Variants in MSRA observed in about 807,000 individuals in gnomAD.
MSRA encodes mitochondrial peptide methionine sulfoxide reductase.
In MSRA, 54 loss-of-function variants were observed where a neutral mutation model predicts 31.3. The ratio of observed to expected loss-of-function variants is 1.73; its 90% confidence interval spans 1.39 to 2.17. The LOEUF is 2.17. Among genes scored for constraint, MSRA ranks in the 30% most tolerant of loss-of-function variants. The pLI is 0.00. For synonymous variants in MSRA, 169 were observed against 116.5 expected, an observed-to-expected ratio of 1.45 and a Z score of -2.90; for missense variants, 507 against 300.9, an observed-to-expected ratio of 1.69 and a Z score of -5.07.
At position 10,337,513 on chromosome 8, in the gene MSRA, A is replaced by G. The variant is rs560663780; in HGVS notation, c.543+17524A>G. 61 of 572,300 alleles carry G rather than the reference A, an allele frequency of 1.1e-4. No individual in the cohort carries two copies. The South Asian group carries it at 1.3e-3, about 12-fold the overall frequency. 35.5% of individuals were successfully genotyped at this position (572,300 alleles called of 1,614,324 possible). On this transcript the variant is annotated intron_variant, in intron 5 of 5. Coordinates refer to ENST00000317173, the MANE Select transcript of MSRA (RefSeq NM_012331.5). ...TCGCTTTTAAGATGAATCCAAAAAG[A>G]CTGTGTGCTACTAGGCTACAGAAAG...
At chr8:10,078,294 T>C (rs1282416497) in intron 1 of MSRA, among the ~76,000 whole-genome samples, 3 of 152,234 alleles carry the variant, frequency 2.0e-5, no homozygotes, top group Non-Finnish European at 2.9e-5. Flanking sequence ...GTAATACCCA[T>C]GGTAGAGACC....
intron 1 of MSRA, among the ~76,000 whole-genome samples, chr8:10,093,951 A>C (rs1322150739): frequency 1.3e-5 from 2 of 152,184 alleles, no homozygotes; most frequent in Non-Finnish European, 2.9e-5. Context: ...TCTGGTCTCC[A>C]TGGTTTTCAA....
intron 3 of MSRA, among the ~76,000 whole-genome samples, chr8:10,275,048 C>T (rs542016077): frequency 8.5e-4 from 130 of 152,242 alleles, no homozygotes; most frequent in African/African-American, 2.7e-3. Flanking sequence ...AAGGACATGA[C>T]GTGCAAATGC....
At chr8:10,128,720 T>C (rs1171453351) in intron 1 of MSRA, among the ~76,000 whole-genome samples, 4 of 152,362 alleles carry the variant, frequency 2.6e-5, no homozygotes, top group South Asian at 4.1e-4. Context: ...GTGTATCTTT[T>C]AGAGAGCACG....
intron 1 of MSRA, among the ~76,000 whole-genome samples, chr8:10,117,270 G>A (rs1387568259): frequency 6.6e-6 from 1 of 152,158 alleles, no homozygotes; most frequent in Non-Finnish European, 1.5e-5. Flanking sequence ...GATGGGGGAG[G>A]AGAGAGGTTG....
intron 5 of MSRA, among the ~76,000 whole-genome samples, chr8:10,426,107 G>C (rs1563468730): frequency 6.6e-6 from 1 of 152,162 alleles, no homozygotes. Flanking sequence ...GATGGTTCAA[G>C]TCACACGGCC....
chr8:10,259,169 T>G (rs1798337941), intron 3 of MSRA, among the ~76,000 whole-genome samples: 1 of 152,054 alleles, frequency 6.6e-6, no homozygotes, highest in African/African-American at 2.4e-5. Flanking sequence ...TCAAATCTAT[T>G]GAAGTTCTCA....
intron 1 of MSRA, among the ~76,000 whole-genome samples, chr8:10,096,486 G>A (rs1433314115): frequency 6.6e-6 from 1 of 152,214 alleles, no homozygotes; most frequent in Non-Finnish European, 1.5e-5. Flanking sequence ...GCTGGGAATG[G>A]TAGAGAATAG....
At chr8:10,336,132 T>C (rs986920549) in intron 5 of MSRA, among the ~76,000 whole-genome samples, 2 of 152,198 alleles carry the variant, frequency 1.3e-5, no homozygotes, top group Non-Finnish European at 2.9e-5. Context: ...AATATGTCAC[T>C]AGTGTTTAAT....
At position 10,140,893 on chromosome 8, in the gene MSRA, C is replaced by T. The variant is rs1802647782; in HGVS notation, c.143-66940C>T. 3.9e-5 allele frequency among the ~76,000 whole-genome samples: 6 copies of T among 151,998 alleles called. No homozygotes were observed. In the South Asian group the frequency reaches 1.2e-3, roughly 32 times the overall value. On this transcript the variant is annotated intron_variant, in intron 1 of 5. Transcript: ENST00000317173. ...TCACAGACACAGACACACTCGGAGACTTCACAGTAATAAAGAAAAAAAATC... is the reference window on the plus strand; with the variant it reads ...TCACAGACACAGACACACTCGGAGATTTCACAGTAATAAAGAAAAAAAATC...
chr8:10,254,088 C>T (rs1372770228), intron 3 of MSRA, among the ~76,000 whole-genome samples: 3 of 152,074 alleles, frequency 2.0e-5, no homozygotes, highest in Admixed American at 2.0e-4. Flanking sequence ...GGCCCCTCAG[C>T]TGCGGGAGAA....
intron 3 of MSRA, among the ~76,000 whole-genome samples, chr8:10,248,737 G>C (rs1433959358): frequency 6.6e-6 from 1 of 152,238 alleles, no homozygotes; most frequent in Admixed American, 6.5e-5. Flanking sequence ...TAGTAGCTGA[G>C]AGAGGAGGTG....
At chr8:10,346,751 T>G (rs1044207452) in intron 5 of MSRA, among the ~76,000 whole-genome samples, 4 of 152,190 alleles carry the variant, frequency 2.6e-5, no homozygotes, top group African/African-American at 9.7e-5. Context: ...TCCTAGAATT[T>G]CAAGCCAGGA....
Position 10,384,734 on chromosome 8 carries a change from A to T in MSRA, c.544-43414A>T, listed in dbSNP as rs576234301. 4.6e-5 allele frequency among the ~76,000 whole-genome samples: 7 copies of T among 152,302 alleles called. No homozygotes were observed. The South Asian group carries it at 1.2e-3, about 27-fold the overall frequency. ...TAAAGAAAAAATAAAATGGCCAGGC[A>T]TGGTGGTTCATGCCTGAAATCCTAG... On this transcript the variant is annotated intron_variant, in intron 5 of 5. Coordinates refer to ENST00000317173, the MANE Select transcript of MSRA (RefSeq NM_012331.5).
chr8:10,197,578 C>T (rs1808103709), intron 1 of MSRA, among the ~76,000 whole-genome samples: 1 of 152,144 alleles, frequency 6.6e-6, no homozygotes. Context: ...GTGCAAATAC[C>T]AGTGTTCAGG....
At chr8:10,368,055 G>A (rs1355409349) in intron 5 of MSRA, among the ~76,000 whole-genome samples, 6 of 152,118 alleles carry the variant, frequency 3.9e-5, no homozygotes, top group East Asian at 1.9e-4. Context: ...CCTGCCCCGC[G>A]AAGGAATGAG....
chr8:10,303,869 A>G (rs572392164), intron 4 of MSRA, among the ~76,000 whole-genome samples: 11 of 152,332 alleles, frequency 7.2e-5, no homozygotes, highest in South Asian at 6.2e-4. Context: ...TAATCCACCC[A>G]TTCAATCCAA....
chr8:10,070,940 G>A (rs980910382), intron 1 of MSRA, among the ~76,000 whole-genome samples: 6 of 152,200 alleles, frequency 3.9e-5, no homozygotes, highest in East Asian at 1.9e-4. Flanking sequence ...TGGCTGTTAC[G>A]AGTGAAGCTG....
At chr8:10,336,552 A>G (rs60015351) in intron 5 of MSRA, among the ~76,000 whole-genome samples, 3,032 of 151,950 alleles carry the variant, frequency 0.02, 88 homozygotes, top group African/African-American at 0.067. Context: ...TGTCTGATGT[A>G]CAGTGGAATA....
Sources: gnomAD v4.1 joint callset for allele counts (sites outside exome capture counted in the v4.1 genomes callset) on GRCh38, gnomAD v4.1.1 for gene constraint, MANE v1.5 for transcripts, NCBI Gene and HGNC (gene_info 2026-07-23, HGNC 2026-07-21) for gene names.